PEX26: variants seen among roughly 807,000 people sequenced by gnomAD.
The protein encoded by PEX26 is peroxisomal biogenesis factor 26, also known as peroxisome assembly protein 26.
Under a neutral mutation model 31.4 loss-of-function variants are expected in PEX26, and 18 were observed. The ratio of observed to expected loss-of-function variants is 0.57; its 90% CI spans 0.40 to 0.85. The LOEUF (loss-of-function observed/expected upper bound fraction) is 0.85, where lower values mean the gene tolerates loss of function less well. PEX26 is among the 40% of genes least tolerant of loss of function. The pLI, the probability that PEX26 is intolerant of heterozygous loss-of-function variation, is 0.00. For synonymous variants in PEX26, 176 were observed against 166.9 expected, an observed-to-expected ratio of 1.05 and a Z score of -0.42; for missense variants, 377 against 383.9, an observed-to-expected ratio of 0.98 and a Z score of 0.15.
chr22:18,099,796 A>G lies in PEX26; in HGVS notation c.*11721A>G, dbSNP rs1340129414. 2 of 152,194 alleles carry G rather than the reference A, an allele frequency of 1.3e-5. No individual in the cohort carries two copies. 9.4% of individuals were successfully genotyped at this position (152,194 alleles called of 1,614,324 possible). ...TAAGTGTTCCCTGGCCTGCGACAGCATCACTCCAATCCCTGCCTCAGTCTT... is the reference window on the plus strand; with the variant it reads ...TAAGTGTTCCCTGGCCTGCGACAGCGTCACTCCAATCCCTGCCTCAGTCTT... On this transcript the variant is annotated 3_prime_UTR_variant, in exon 5 of 5. Transcript: ENST00000399744.
intron 2 of PEX26, among the ~76,000 whole-genome samples, chr22:18,083,125 T>C (rs1926685237): frequency 6.6e-6 from 1 of 152,236 alleles, no homozygotes; most frequent in South Asian, 2.1e-4. Context: ...TTTGGATACC[T>C]TTTATTTCTT....
Position 18,088,061 on chromosome 22 carries a change from C to T in PEX26, c.904C>T (p.Arg302Cys), listed in dbSNP as rs539155271. The T allele has an allele frequency of 1.7e-5, 28 of 1,610,346 alleles. No homozygotes were observed. The African/African-American group carries it at 2.1e-4, about 12-fold the overall frequency. The change falls in exon 5 of 5, where the codon CGC (arginine) becomes TGC (cysteine). Residue 302 changes from arginine to cysteine, a missense_variant. Physicochemically the swap from Arg to Cys is radical, Grantham distance 180. Coordinates refer to ENST00000399744, the MANE Select transcript of PEX26 (RefSeq NM_001127649.3). This position sits in a 1 kb window ranked among gnomAD's most constrained non-coding sequence, Gnocchi z 4.1. Reference protein sequence around the residue: ...KAAFSRLYQLRIRD With the variant: ...KAAFSRLYQLCIRD The stretch of plus-strand genomic sequence containing the variant: ...TGCATTTTCTCGCCTCTACCAGCTC[C>T]GCATCCGTGACTGAGGGTCCCTGCG...
In PEX26 at chr22:18,101,761, C is replaced by A; in HGVS notation, c.*13686C>A. ...GGCCTCATCCTGCATGTGGGCAAGT[C>A]AGCTCTCTGATGGATGGTGCAATTT... On this transcript the variant is annotated 3_prime_UTR_variant, in exon 5 of 5. Coordinates refer to ENST00000399744, the MANE Select transcript of PEX26 (RefSeq NM_001127649.3). 1 of 229,204 alleles carries A rather than the reference C, an allele frequency of 4.4e-6. No homozygotes were observed. Among genetic ancestry groups the A allele is most frequent in the South Asian group, 8.4e-5 (1 of 11,958 alleles). 14.2% of individuals were successfully genotyped at this position (229,204 alleles called of 1,614,324 possible).
chr22:18,078,688 A>G, intron 1 of PEX26, 82 bp downstream of exon 1: 2 of 1,283,216 alleles, frequency 1.6e-6, no homozygotes, highest in South Asian at 1.3e-5. Flanking sequence ...TGTCCTTCCC[A>G]GATTGCCCAC....
Position 18,080,852 on chromosome 22 carries a change from C to T in PEX26, c.371+838C>T, listed in dbSNP as rs1481838699. 2.0e-5 allele frequency among the ~76,000 whole-genome samples: 3 copies of T among 152,146 alleles called. No individual in the cohort carries two copies. In the East Asian group the frequency reaches 5.8e-4, roughly 29 times the overall value. On this transcript the variant is annotated intron_variant, in intron 2 of 4. Coordinates refer to ENST00000399744, the MANE Select transcript of PEX26 (RefSeq NM_001127649.3). ...CTTACTGTTAACCATAACCACCCTA[C>T]CGTGCAATAGAACACCACAACTTAT...
At chr22:18,078,643 C>T (rs929693656) in intron 1 of PEX26, 37 bp downstream of exon 1, 5 of 1,566,586 alleles carry the variant, frequency 3.2e-6, no homozygotes, top group East Asian at 2.3e-5. Flanking sequence ...GATTTCCGGG[C>T]GCTCTTGTGG....
rs1371036833 is a variant in PEX26, at chr22:18,088,284, A to C, written c.*209A>C. 2 of 684,698 alleles carry C rather than the reference A, an allele frequency of 2.9e-6. No individual in the cohort carries two copies. The highest frequency in any genetic ancestry group is 1.8e-5 in the African/African-American group (1 of 56,892). The allele number at this position is 684,698 out of a possible 1,614,324, so 42.4% of individuals were successfully genotyped here. On this transcript the variant is annotated 3_prime_UTR_variant, in exon 5 of 5. Transcript: ENST00000399744. The surrounding 1 kb of genome is among the most constrained non-coding windows in gnomAD (Gnocchi z 4.1). ...GATGTGGAAACAAAGCAGGACCAGCAGGCACAGCACCTCCAGAACAGTGCC... is the reference window on the plus strand; with the variant it reads ...GATGTGGAAACAAAGCAGGACCAGCCGGCACAGCACCTCCAGAACAGTGCC...
chr22:18,079,139 A>G, intron 1 of PEX26: 7 of 876,484 alleles, frequency 8.0e-6, no homozygotes, highest in Non-Finnish European at 9.6e-6. Context: ...GTTCGAGACC[A>G]GCCTGGGTAA....
intron 3 of PEX26, among the ~76,000 whole-genome samples, chr22:18,084,227 ATC>A (rs201325227): frequency 7.2e-6 from 1 of 138,922 alleles, no homozygotes; most frequent in Non-Finnish European, 1.5e-5. Context: ...GAAAGTCACC[ATC>A]TCTCTCTCTT....
intron 3 of PEX26, 79 bp downstream of exon 3, chr22:18,083,811 C>T: frequency 7.5e-7 from 1 of 1,340,852 alleles, no homozygotes; most frequent in Non-Finnish European, 1.1e-6. Context: ...TCGTGAAACT[C>T]CTGCGAGCTT....
chr22:18,080,214 G>C (rs1926502194), intron 2 of PEX26, among the ~76,000 whole-genome samples, 200 bp downstream of exon 2: 1 of 152,062 alleles, frequency 6.6e-6, no homozygotes, highest in Non-Finnish European at 1.5e-5. Flanking sequence ...TAGATATAAA[G>C]AAGGGAGGAA....
Position 18,083,394 on chromosome 22 carries a change from C to T in PEX26, c.372-43C>T, listed in dbSNP as rs760536566. 6.9e-6 allele frequency: 11 copies of T among 1,597,600 alleles called. No homozygotes were observed. The South Asian group carries it at 1.2e-4, about 18-fold the overall frequency. On this transcript the variant is annotated intron_variant, in intron 2 of 4. Transcript: ENST00000399744. ...TGGGAAATGAACCAATCATTGAGCA[C>T]TGACTCTTCTTTTGTTGGGATTGGG...
intron 1 of PEX26, chr22:18,079,077 G>A: frequency 7.2e-6 from 2 of 278,038 alleles, no homozygotes; most frequent in Non-Finnish European, 1.1e-5. Flanking sequence ...GCTTACGCCT[G>A]TAATCCCAGC....
Position 18,100,808 on chromosome 22 carries a change from T to C in PEX26, c.*12733T>C, listed in dbSNP as rs2401505. Reference sequence around the variant, plus strand: ...GAAAGAGTTTGACAGGAAGAAGAAATTGCAGAGTCCCTGCCTGTCCCAGAG... The same window carrying C: ...GAAAGAGTTTGACAGGAAGAAGAAACTGCAGAGTCCCTGCCTGTCCCAGAG... On this transcript the variant is annotated 3_prime_UTR_variant, in exon 5 of 5. Coordinates refer to ENST00000399744, the MANE Select transcript of PEX26 (RefSeq NM_001127649.3). 85,337 of 152,086 alleles carry C rather than the reference T, an allele frequency of 0.56. 24,810 individuals carry two copies. Among genetic ancestry groups the C allele is most frequent in the Non-Finnish European group, 0.65 (43,968 of 67,972 alleles). The allele number at this position is 152,086 out of a possible 1,614,324, so 9.4% of individuals were successfully genotyped here. A position where few individuals can be genotyped will look rare whatever the true frequency, so the allele number is the denominator to read the frequency against.
chr22:18,085,572 T>TA (rs925942585), intron 4 of PEX26, among the ~76,000 whole-genome samples: 3 of 151,986 alleles, frequency 2.0e-5, no homozygotes, highest in African/African-American at 7.2e-5. Context: ...CCTCAGAATT[T>TA]AAAAAAACTT....
intron 2 of PEX26, among the ~76,000 whole-genome samples, chr22:18,081,237 T>TACACACACACACACAC (rs1244269511): frequency 1.5e-5 from 1 of 66,214 alleles, no homozygotes; most frequent in Non-Finnish European, 2.7e-5. Flanking sequence ...TACATATATG[T>TACACACACACACACAC]ACACATATAC....
At chr22:18,086,496 C>A (rs1489498512) in intron 4 of PEX26, among the ~76,000 whole-genome samples, 1 of 152,172 alleles carries the variant, frequency 6.6e-6, no homozygotes, top group African/African-American at 2.4e-5. Flanking sequence ...AATTTAACAA[C>A]CCCTATTATT....
chr22:18,079,924 C>T lies in PEX26; in HGVS notation c.281C>T (p.Ala94Val), dbSNP rs761216250. The change falls in exon 2 of 5, where the codon GCA becomes GTA. Residue 94 changes from alanine (A) to valine (V), a missense_variant. By Grantham distance (64) the Ala-to-Val change is moderately conservative. Coordinates refer to ENST00000399744, the MANE Select transcript of PEX26 (RefSeq NM_001127649.3). ...TGTGTTGTGGGGATCCAGGCCCTGG[C>T]AGAAATGGATCGGTGGCAAGAAGTC... ...SLCVVGIQALAEMDRWQEVLS... is the reference protein window; with the variant it reads ...SLCVVGIQALVEMDRWQEVLS... 6.2e-7 allele frequency: 1 copy of T among 1,614,048 alleles called. No homozygotes were observed. Among genetic ancestry groups the T allele is most frequent in the South Asian group, 1.1e-5 (1 of 91,084 alleles).
intron 2 of PEX26, among the ~76,000 whole-genome samples, chr22:18,081,220 CATA>C (rs1926575651): frequency 1.4e-5 from 2 of 142,198 alleles, no homozygotes; most frequent in South Asian, 4.5e-4. Context: ...CATATATACA[CATA>C]ATATACATAT....
Sources: allele counts gnomAD v4.1 joint callset (sites outside exome capture counted in the v4.1 genomes callset), GRCh38; gene constraint gnomAD v4.1.1; non-coding constraint Gnocchi (gnomAD v3.1); transcripts MANE v1.5; gene names NCBI Gene and HGNC (gene_info 2026-07-23, HGNC 2026-07-21).